The following WDFY3 variants were observed in gnomAD, a reference collection of about 807,000 sequenced individuals.
The protein encoded by WDFY3 is WD repeat and FYVE domain containing 3.
WDFY3 carries 66 observed loss-of-function variants against 409.6 expected under a neutral mutation model. The ratio of observed to expected loss-of-function variants is 0.16; its 90% CI spans 0.13 to 0.20. The LOEUF (loss-of-function observed/expected upper bound fraction) is 0.20, where lower values mean the gene tolerates loss of function less well. WDFY3 is among the 10% of genes least tolerant of loss of function. WDFY3 has a pLI of 1.00. For missense variants in WDFY3, 3,031 were observed against 4,298.1 expected (o/e 0.71, Z 8.24); for synonymous variants, 1,521 against 1,537.1 (o/e 0.99, Z 0.25).
chr4:84,819,794 CTTAT>C (rs1482823892), intron 12 of WDFY3, among the ~76,000 whole-genome samples: 1 of 152,016 alleles, frequency 6.6e-6, no homozygotes, highest in African/African-American at 2.4e-5. Context: ...TAAATAGCAA[CTTAT>C]TTGAGTAAGA....
chr4:84,772,791 A>G, intron 30 of WDFY3, 44 bp downstream of exon 30: 1 of 1,510,578 alleles, frequency 6.6e-7, no homozygotes, highest in Non-Finnish European at 9.1e-7. Flanking sequence ...AAGGCATAAT[A>G]TTTAGTTGAC....
chr4:84,813,129 A>T (rs1752767331), intron 13 of WDFY3, among the ~76,000 whole-genome samples: 1 of 152,096 alleles, frequency 6.6e-6, no homozygotes, highest in Admixed American at 6.6e-5. Flanking sequence ...GCACTATGTA[A>T]TTACAAATTA....
chr4:84,846,301 G>A lies in WDFY3; in HGVS notation c.304+3601C>T, dbSNP rs543041780. Among the ~76,000 whole-genome samples, 87 of 151,894 alleles carry A rather than the reference G, an allele frequency of 5.7e-4. 1 individual carries two copies. Among genetic ancestry groups the A allele is most frequent in the African/African-American group, 2.0e-3 (83 of 41,428 alleles). ...CATCAATGAGGAAAAGTGGATGAAG[G>A]GCACATGATCCTAGCTACTATTTTT... On this transcript the variant is annotated intron_variant, in intron 5 of 67. Coordinates refer to ENST00000295888, the MANE Select transcript of WDFY3 (RefSeq NM_014991.6).
At position 84,743,793 on chromosome 4, in the gene WDFY3, G is replaced by T; in HGVS notation, c.5980C>A (p.Pro1994Thr). The stretch of plus-strand genomic sequence containing the variant: ...TGCTGAGTTCTTGTAGACCTTTCAG[G>T]GGAAGCCTAATCAAGAAAATTTAGA... Reference protein sequence around the residue: ...PLIDLLLEASPERSTRTQQKE... With the variant: ...PLIDLLLEASTERSTRTQQKE... Residue 1994 changes from proline (P) to threonine (T), a missense_variant, in exon 37 of 68, where the codon CCT becomes ACT. Pro to Thr is a conservative substitution (Grantham distance 38, BLOSUM62 -1). Transcript: ENST00000295888. The T allele has an allele frequency of 6.4e-7, 1 of 1,562,708 alleles. No homozygotes were observed. The highest frequency in any genetic ancestry group is 8.7e-7 in the Non-Finnish European group (1 of 1,151,604).
At chr4:84,824,563 C>T (rs1042537556) in intron 10 of WDFY3, among the ~76,000 whole-genome samples, 1 of 152,104 alleles carries the variant, frequency 6.6e-6, no homozygotes. Flanking sequence ...AAAACTAAAA[C>T]AGACTAGTGG....
rs946396260 is a variant in WDFY3 at position 84,769,662 on chromosome 4, T to C, written c.4849+3173A>G. 5.9e-5 allele frequency among the ~76,000 whole-genome samples: 9 copies of C among 152,242 alleles called. No individual in the cohort carries two copies. The East Asian group carries it at 1.7e-3, about 29-fold the overall frequency. On this transcript the variant is annotated intron_variant, in intron 30 of 67. Transcript: ENST00000295888. The stretch of plus-strand genomic sequence containing the variant: ...TGGTCTCGATCTCCTGACCTCGTGA[T>C]CCACCCGCCTTGGCCTCCCAAAGTG...
chr4:84,934,051 G>T (rs1251350147), intron 1 of WDFY3, among the ~76,000 whole-genome samples: 1 of 152,058 alleles, frequency 6.6e-6, no homozygotes, highest in Non-Finnish European at 1.5e-5. Context: ...TAGTGGGGCT[G>T]CTGGATCACA....
At chr4:84,712,205 T>A (rs568696491) in intron 51 of WDFY3, among the ~76,000 whole-genome samples, 1 of 151,690 alleles carries the variant, frequency 6.6e-6, no homozygotes, top group African/African-American at 2.4e-5. Context: ...ATGCTTGTAA[T>A]CCCAGCTACT....
chr4:84,854,589 C>T (rs1416350480), intron 4 of WDFY3, among the ~76,000 whole-genome samples: 2 of 151,532 alleles, frequency 1.3e-5, no homozygotes, highest in Admixed American at 1.3e-4. Flanking sequence ...TTCTCACTCT[C>T]AGGGAGTACT....
chr4:84,784,160 T>G (rs186541442), intron 24 of WDFY3, among the ~76,000 whole-genome samples: 9 of 152,316 alleles, frequency 5.9e-5, no homozygotes, highest in African/African-American at 1.9e-4. Flanking sequence ...CAGTCTTTTC[T>G]GGTTCTTCTT....
chr4:84,755,892 T>G (rs1417029159), intron 33 of WDFY3, among the ~76,000 whole-genome samples: 2 of 152,198 alleles, frequency 1.3e-5, no homozygotes, highest in African/African-American at 2.4e-5. Context: ...GCACCATGGA[T>G]ATTGAAAAAT....
intron 62 of WDFY3, among the ~76,000 whole-genome samples, chr4:84,686,440 T>C (rs79443817): frequency 0.035 from 5,282 of 152,338 alleles, 95 homozygotes; most frequent in South Asian, 0.05. Context: ...ACACTCTAAG[T>C]GATTGACAAC....
intron 29 of WDFY3, among the ~76,000 whole-genome samples, chr4:84,774,451 C>G (rs1200694021): frequency 6.6e-6 from 1 of 152,196 alleles, no homozygotes; most frequent in East Asian, 1.9e-4. Flanking sequence ...GTGGCACACC[C>G]ACTATTTAGG....
At chr4:84,956,838 G>C (rs1774296295) in intron 1 of WDFY3, among the ~76,000 whole-genome samples, 3 of 152,082 alleles carry the variant, frequency 2.0e-5, no homozygotes, top group African/African-American at 7.2e-5. Flanking sequence ...CAAGCCTTGA[G>C]CTTGCTTAAT....
At chr4:84,816,690 T>C (rs1458633851) in intron 13 of WDFY3, among the ~76,000 whole-genome samples, 1 of 152,146 alleles carries the variant, frequency 6.6e-6, no homozygotes, top group African/African-American at 2.4e-5. Flanking sequence ...GATTATAGTT[T>C]GATTCTAAAA....
intron 22 of WDFY3, among the ~76,000 whole-genome samples, chr4:84,788,157 T>C (rs1403675741): frequency 6.6e-6 from 1 of 152,160 alleles, no homozygotes; most frequent in Admixed American, 6.5e-5. Flanking sequence ...TAAATTATTA[T>C]AATAAATATA....
chr4:84,813,481 C>T lies in WDFY3; in HGVS notation c.1888-3137G>A, dbSNP rs527839533. Among the ~76,000 whole-genome samples, 73 of 152,278 alleles carry T rather than the reference C, an allele frequency of 4.8e-4. No individual in the cohort carries two copies. In the Middle Eastern group the frequency reaches 0.01, roughly 21 times the overall value. On this transcript the variant is annotated intron_variant, in intron 13 of 67. Transcript: ENST00000295888. ...TACTATTATCTATGCTTTTACGTAT[C>T]TGCATGAGGAAATGCTATATAATGG... is the stretch of plus-strand genomic sequence containing the variant.
intron 30 of WDFY3, among the ~76,000 whole-genome samples, chr4:84,766,726 T>TA (rs1743710353): frequency 6.6e-6 from 1 of 152,224 alleles, no homozygotes; most frequent in Non-Finnish European, 1.5e-5. Flanking sequence ...CCTTAATTCT[T>TA]AGTTTCTTTT....
At chr4:84,877,745 T>C (rs182657079) in intron 3 of WDFY3, among the ~76,000 whole-genome samples, 3 of 152,336 alleles carry the variant, frequency 2.0e-5, no homozygotes, top group Non-Finnish European at 1.5e-5. Context: ...TGTAAGATTA[T>C]GGAAGGCAAA....
Sources: allele counts gnomAD v4.1 joint callset (sites outside exome capture counted in the v4.1 genomes callset), GRCh38; gene constraint gnomAD v4.1.1; transcripts MANE v1.5; gene names NCBI Gene and HGNC (gene_info 2026-07-23, HGNC 2026-07-21).